The following SNX21 variants were observed in gnomAD, a reference collection of about 807,000 sequenced individuals.
The protein encoded by SNX21 is sorting nexin family member 21.
A neutral mutation model predicts 30.9 loss-of-function variants in SNX21; 36 were observed. That is an observed-to-expected ratio of 1.16 (90% CI 0.89 to 1.54). The LOEUF is 1.54. Among genes scored for constraint, SNX21 ranks in the 40% most tolerant of loss-of-function variants. The pLI, the probability that SNX21 is intolerant of heterozygous loss-of-function variation, is 0.00. For missense variants in SNX21, 508 were observed against 516.5 expected, an observed-to-expected ratio of 0.98 and a Z score of 0.16; for synonymous variants, 218 against 222.7, an observed-to-expected ratio of 0.98 and a Z score of 0.19.
At chr20:45,836,318 C>A (rs939182413) in intron 3 of SNX21, among the ~76,000 whole-genome samples, 4 of 151,738 alleles carry the variant, frequency 2.6e-5, no homozygotes, top group Admixed American at 2.0e-4. Context: ...GGTGAAACCC[C>A]GTCTCTACTA....
rs1984231726 is a variant in SNX21 at position 45,842,151 on chromosome 20, C to A, written c.*838C>A. On this transcript the variant is annotated 3_prime_UTR_variant, in exon 4 of 4. Transcript: ENST00000491381. The stretch of plus-strand genomic sequence containing the variant: ...TCACCATGCCCAACCTCCAAGTGGA[C>A]TTCTTGCAAAGGGTCTGGCCCAGGG... 4 of 1,525,556 alleles carry A rather than the reference C, an allele frequency of 2.6e-6. No homozygotes were observed. The South Asian group carries it at 3.6e-5, about 14-fold the overall frequency. The allele number at this position is 1,525,556 out of a possible 1,614,324, so 94.5% of individuals were successfully genotyped here. A position where few individuals can be genotyped will look rare whatever the true frequency, so the allele number is the denominator to read the frequency against.
intron 3 of SNX21, 169 bp from the exon 4 acceptor site, chr20:45,840,470 C>T: frequency 6.2e-7 from 1 of 1,614,160 alleles, no homozygotes; most frequent in South Asian, 1.1e-5. Context: ...TAAGATGGGA[C>T]TGGGCTTCCC....
chr20:45,836,066 G>A (rs919473794), intron 3 of SNX21, among the ~76,000 whole-genome samples: 1 of 152,190 alleles, frequency 6.6e-6, no homozygotes, highest in Non-Finnish European at 1.5e-5. Flanking sequence ...CTCTGACTCA[G>A]CAGGAGGGGG....
Position 45,833,907 on chromosome 20 carries a change from G to C in SNX21, c.-13G>C. 7.2e-7 allele frequency: 1 copy of C among 1,381,794 alleles called. No individual in the cohort carries two copies. Among genetic ancestry groups the C allele is most frequent in the Non-Finnish European group, 9.4e-7 (1 of 1,067,814 alleles). 85.6% of individuals were successfully genotyped at this position (1,381,794 alleles called of 1,614,324 possible). On this transcript the variant is annotated 5_prime_UTR_variant, in exon 1 of 4. Coordinates refer to ENST00000491381, the MANE Select transcript of SNX21 (RefSeq NM_033421.4). ...GGCTGCACCCGGACCCCTGGGGCGC[G>C]GCGCGCCCCTGAATGCACCGTGGGA...
chr20:45,834,884 T>C, intron 2 of SNX21, 75 bp from the exon 3 acceptor site: 1 of 1,525,094 alleles, frequency 6.6e-7, no homozygotes, highest in Non-Finnish European at 8.9e-7. Flanking sequence ...ACTGGGAGGA[T>C]GAGTGAGGCC....
At position 45,833,868 on chromosome 20, in the gene SNX21, C is replaced by T. The variant is rs1983222900; in HGVS notation, c.-52C>T. ...AGCCCTGCAGAACCCGGCCGACCTC[C>T]ATGGGCTGCGGGGGGCTGCACCCGG... On this transcript the variant is annotated 5_prime_UTR_variant, in exon 1 of 4. Transcript: ENST00000491381. The T allele has an allele frequency of 7.5e-7, 1 of 1,325,748 alleles. No individual in the cohort carries two copies. 82.1% of individuals were successfully genotyped at this position (1,325,748 alleles called of 1,614,324 possible). A position where few individuals can be genotyped will look rare whatever the true frequency, so the allele number is the denominator to read the frequency against.
Position 45,841,665 on chromosome 20 carries a change from T to G in SNX21, c.*352T>G. On this transcript the variant is annotated 3_prime_UTR_variant, in exon 4 of 4. Coordinates refer to ENST00000491381, the MANE Select transcript of SNX21 (RefSeq NM_033421.4). ...GGACTCTGCCCCTGGAGTCCTGGAGTTAAGGGATGAAGGCAAGGCTGCAGG... is the reference window on the plus strand; with the variant it reads ...GGACTCTGCCCCTGGAGTCCTGGAGGTAAGGGATGAAGGCAAGGCTGCAGG... 2 of 1,416,024 alleles carry G rather than the reference T, an allele frequency of 1.4e-6. No individual in the cohort carries two copies. The highest frequency in any genetic ancestry group is 2.6e-5 in the East Asian group (1 of 38,590). The allele number at this position is 1,416,024 out of a possible 1,614,324, so 87.7% of individuals were successfully genotyped here. A position where few individuals can be genotyped will look rare whatever the true frequency, so the allele number is the denominator to read the frequency against.
At chr20:45,838,511 T>A (rs750657653) in intron 3 of SNX21, among the ~76,000 whole-genome samples, 13 of 147,658 alleles carry the variant, frequency 8.8e-5, no homozygotes, top group Admixed American at 2.1e-4. Flanking sequence ...CCCCGCACTT[T>A]GGGAGGCTGA....
At chr20:45,840,032 C>G (rs1983907851) in intron 3 of SNX21, 1 of 520,132 alleles carries the variant, frequency 1.9e-6, no homozygotes, top group South Asian at 8.3e-5. Flanking sequence ...ACTGACTTGA[C>G]CGAGCACTTC....
In SNX21 at chr20:45,842,833, C is replaced by T. The variant is rs912759040; in HGVS notation, c.*1520C>T. ...TGATGCTATTGGTACTTGAGAATAC[C>T]CCTTATCTGAGTATAAAGAATCCTT... On this transcript the variant is annotated 3_prime_UTR_variant, in exon 4 of 4. Transcript: ENST00000491381. 7 of 993,880 alleles carry T rather than the reference C, an allele frequency of 7.0e-6. No homozygotes were observed. Among genetic ancestry groups the T allele is most frequent in the Non-Finnish European group, 8.4e-6 (7 of 834,600 alleles). 61.6% of individuals were successfully genotyped at this position (993,880 alleles called of 1,614,324 possible). A position where few individuals can be genotyped will look rare whatever the true frequency, so the allele number is the denominator to read the frequency against.
chr20:45,839,721 C>T (rs1001347726), intron 3 of SNX21, among the ~76,000 whole-genome samples: 1 of 150,870 alleles, frequency 6.6e-6, no homozygotes, highest in South Asian at 2.1e-4. Flanking sequence ...GAGACCCCCC[C>T]TCATCTCCAT....
At chr20:45,839,667 A>G (rs1343596752) in intron 3 of SNX21, among the ~76,000 whole-genome samples, 1 of 151,850 alleles carries the variant, frequency 6.6e-6, no homozygotes, top group African/African-American at 2.4e-5. Context: ...AGCTAGGAAG[A>G]TTGTTCAAGG....
chr20:45,838,547 A>C (rs1983735661), intron 3 of SNX21, among the ~76,000 whole-genome samples: 1 of 151,612 alleles, frequency 6.6e-6, no homozygotes. Flanking sequence ...TGAGGTCAGG[A>C]GTTCAAGACC....
rs1425876948 is a variant in SNX21, at chr20:45,833,939, A to C, written c.20A>C (p.Glu7Ala). 2.8e-6 allele frequency: 4 copies of C among 1,435,972 alleles called. No individual in the cohort carries two copies. Among genetic ancestry groups the C allele is most frequent in the Non-Finnish European group, 3.6e-6 (4 of 1,097,966 alleles). 89.0% of individuals were successfully genotyped at this position (1,435,972 alleles called of 1,614,324 possible). Residue 7 changes from glutamate to alanine, a missense_variant and splice_region_variant, in exon 1 of 4, where the codon GAG becomes GCG. Physicochemically the swap from Glu to Ala is moderately radical, Grantham distance 107 (BLOSUM62 -1). Transcript: ENST00000491381. Reference sequence around the variant, plus strand: ...CCCTGAATGCACCGTGGGACGCAGGAGGTAGAGGCGCACGAGGCGGCGCAA... The same window carrying C: ...CCCTGAATGCACCGTGGGACGCAGGCGGTAGAGGCGCACGAGGCGGCGCAA... MHRGTQ[E>A]GAMASRLLHR...
intron 3 of SNX21, among the ~76,000 whole-genome samples, chr20:45,835,390 C>T (rs1983445315): frequency 6.6e-6 from 1 of 152,186 alleles, no homozygotes; most frequent in Non-Finnish European, 1.5e-5. Flanking sequence ...CCACCCAGCC[C>T]ACAAGGTTTT....
At chr20:45,839,054 T>C (rs59018984) in intron 3 of SNX21, among the ~76,000 whole-genome samples, 2 of 151,926 alleles carry the variant, frequency 1.3e-5, no homozygotes, top group Non-Finnish European at 2.9e-5. Flanking sequence ...CCACCACGCC[T>C]GGCTAATTTT....
Position 45,841,610 on chromosome 20 carries a change from AGCTGGCAAGGCCTCTTG to A in SNX21, c.*302_*318del. ...ATGTTCCCTTGTTGGTGGGCCCCCA[AGCTGGCAAGGCCTCTTG>A]GCTGAAGGCCAGGGACTCTGCCCCT... On this transcript the variant is annotated 3_prime_UTR_variant, in exon 4 of 4. Transcript: ENST00000491381. 7.1e-7 allele frequency: 1 copy of A among 1,401,168 alleles called. No homozygotes were observed. Among genetic ancestry groups the A allele is most frequent in the East Asian group, 2.6e-5 (1 of 37,864 alleles). 86.8% of individuals were successfully genotyped at this position (1,401,168 alleles called of 1,614,324 possible). A position where few individuals can be genotyped will look rare whatever the true frequency, so the allele number is the denominator to read the frequency against.
At position 45,840,729 on chromosome 20, in the gene SNX21, C is replaced by G; in HGVS notation, c.538C>G (p.Arg180Gly). Residue 180 changes from arginine to glycine, a missense_variant, in exon 4 of 4, where the codon CGA (arginine) becomes GGA (glycine). Arg to Gly is a moderately radical substitution (Grantham distance 125). Transcript: ENST00000491381. ...TTACTCGGACTTTGAGCGGCTGCAC[C>G]GAAACCTGCAGCGGCAATTCCGGGG... ...RRYSDFERLH[R>G]NLQRQFRGPM... 6.2e-7 allele frequency: 1 copy of G among 1,614,206 alleles called. No homozygotes were observed. The highest frequency in any genetic ancestry group is 8.5e-7 in the Non-Finnish European group (1 of 1,180,046).
chr20:45,836,605 A>G (rs1983569824), intron 3 of SNX21, among the ~76,000 whole-genome samples: 1 of 151,638 alleles, frequency 6.6e-6, no homozygotes, highest in East Asian at 1.9e-4. Flanking sequence ...GGCTCAAGCT[A>G]TCCTCCCACC....
Sources: allele counts gnomAD v4.1 joint callset (sites outside exome capture counted in the v4.1 genomes callset), GRCh38; gene constraint gnomAD v4.1.1; transcripts MANE v1.5; gene names NCBI Gene and HGNC (gene_info 2026-07-23, HGNC 2026-07-21).